CPSF3: variants seen among roughly 807,000 people sequenced by gnomAD.
CPSF3 encodes cleavage and polyadenylation specificity factor subunit 3.
Under a neutral mutation model 84.1 loss-of-function variants are expected in CPSF3, and 57 were observed. The observed-to-expected ratio is 0.68, with a 90% CI of 0.55 to 0.85. The LOEUF (loss-of-function observed/expected upper bound fraction) is 0.85. Ranked by LOEUF, CPSF3 falls within the 40% of genes least tolerant of loss-of-function variation. The pLI is 0.00. For synonymous variants in CPSF3, 275 were observed against 278.1 expected, an observed-to-expected ratio of 0.99 and a Z score of 0.11; for missense variants, 522 against 838.8, an observed-to-expected ratio of 0.62 and a Z score of 4.66.
At chr2:9,435,155 G>A (rs1166175568) in intron 6 of CPSF3, among the ~76,000 whole-genome samples, 1 of 152,148 alleles carries the variant, frequency 6.6e-6, no homozygotes, top group Non-Finnish European at 1.5e-5. Flanking sequence ...ATCTGGGCTG[G>A]GGTCTGAGAT....
chr2:9,427,682 G>A (rs1221441560), intron 1 of CPSF3, among the ~76,000 whole-genome samples: 2 of 152,168 alleles, frequency 1.3e-5, no homozygotes, highest in East Asian at 1.9e-4. Flanking sequence ...GTTCCTTGAG[G>A]TCAGGGTCCC....
chr2:9,466,308 A>T (rs1681942565), intron 15 of CPSF3, among the ~76,000 whole-genome samples: 2 of 108,154 alleles, frequency 1.8e-5, no homozygotes, highest in Non-Finnish European at 4.7e-5. Context: ...ATGCACACGC[A>T]CACTGACGCA....
chr2:9,470,326 T>C (rs1682121029), intron 16 of CPSF3, among the ~76,000 whole-genome samples: 1 of 152,028 alleles, frequency 6.6e-6, no homozygotes, highest in South Asian at 2.1e-4. Flanking sequence ...ATGCAAGGAG[T>C]TGATTCCCAC....
intron 5 of CPSF3, among the ~76,000 whole-genome samples, chr2:9,433,482 A>G (rs771256782): frequency 6.6e-6 from 1 of 152,324 alleles, no homozygotes; most frequent in African/African-American, 2.4e-5. Flanking sequence ...GCAGATGTGA[A>G]TTCTCTTGGA....
intron 9 of CPSF3, among the ~76,000 whole-genome samples, chr2:9,443,054 T>C (rs1681008656): frequency 6.6e-6 from 1 of 151,978 alleles, no homozygotes. Flanking sequence ...TCCTAGCTAG[T>C]TGGGGGACTG....
intron 11 of CPSF3, among the ~76,000 whole-genome samples, chr2:9,450,502 T>C (rs949480921): frequency 6.6e-6 from 1 of 152,042 alleles, no homozygotes; most frequent in African/African-American, 2.4e-5. Context: ...AGTATCAACA[T>C]ATGGGCCAGG....
chr2:9,430,916 T>C (rs1255670452), intron 4 of CPSF3, 36 bp downstream of exon 4: 1 of 1,570,918 alleles, frequency 6.4e-7, no homozygotes, highest in Non-Finnish European at 8.7e-7. Context: ...CGACTTTGGC[T>C]CTATATGGCA....
intron 16 of CPSF3, among the ~76,000 whole-genome samples, chr2:9,471,113 C>T (rs1307006332): frequency 3.9e-5 from 6 of 151,976 alleles, no homozygotes; most frequent in African/African-American, 1.5e-4. Context: ...ACTAGGGAGG[C>T]TGAGGCAGGA....
chr2:9,443,304 G>A (rs1681016120), intron 9 of CPSF3, among the ~76,000 whole-genome samples: 1 of 152,170 alleles, frequency 6.6e-6, no homozygotes, highest in African/African-American at 2.4e-5. Context: ...AGATAGATGA[G>A]TTTTAGTTAA....
intron 11 of CPSF3, among the ~76,000 whole-genome samples, chr2:9,448,694 T>C (rs1420489617): frequency 6.6e-6 from 1 of 152,140 alleles, no homozygotes; most frequent in Non-Finnish European, 1.5e-5. Context: ...GTAGCTGGGA[T>C]TACAGGTGCG....
chr2:9,472,211 C>T (rs1682194008), intron 17 of CPSF3, among the ~76,000 whole-genome samples: 1 of 149,790 alleles, frequency 6.7e-6, no homozygotes, highest in African/African-American at 2.5e-5. Flanking sequence ...ACTTGGGAGG[C>T]TAAGGCAGGA....
chr2:9,432,984 A>G (rs10209023), intron 5 of CPSF3, among the ~76,000 whole-genome samples: 24,995 of 152,182 alleles, frequency 0.16, 2,257 homozygotes, highest in Middle Eastern at 0.29. Context: ...GCTTTAGAAA[A>G]CTGGTTAGGG....
intron 11 of CPSF3, among the ~76,000 whole-genome samples, chr2:9,449,198 G>A (rs944528981): frequency 2.0e-5 from 3 of 151,890 alleles, no homozygotes; most frequent in African/African-American, 7.3e-5. Flanking sequence ...GGCCAACATG[G>A]TAAAACCCCG....
At chr2:9,467,927 G>C in intron 16 of CPSF3, 151 bp downstream of exon 16, 1 of 616,658 alleles carries the variant, frequency 1.6e-6, no homozygotes, top group East Asian at 2.8e-5. Context: ...GGAAAGAGAG[G>C]GGCTGGAACC....
At position 9,443,696 on chromosome 2, in the gene CPSF3, GA is replaced by G. The variant is rs397752622; in HGVS notation, c.1242+42del. 186 of 1,601,672 alleles carry G rather than the reference GA, an allele frequency of 1.2e-4. 1 individual carries two copies. Among genetic ancestry groups the G allele is most frequent in the Middle Eastern group, 8.4e-4 (5 of 5,980 alleles). ...TGAATTTCATTTATTGTATTAAAGG[GA>G]AAAAAAGTGCATACCCAGGAAACTG... On this transcript the variant is annotated intron_variant, in intron 10 of 17. Transcript: ENST00000238112.
In CPSF3 at chr2:9,472,925, T is replaced by TGTGAAGAGGGAA; in HGVS notation, c.1971_1982dup (p.Glu657_Glu660dup). 1.9e-6 allele frequency: 3 copies of TGTGAAGAGGGAA among 1,609,296 alleles called. No individual in the cohort carries two copies. The highest frequency in any genetic ancestry group is 2.6e-6 in the Non-Finnish European group (3 of 1,175,732). On this transcript the variant is annotated inframe_insertion, in exon 18 of 18. Coordinates refer to ENST00000238112, the MANE Select transcript of CPSF3 (RefSeq NM_016207.4). Reference sequence around the variant, plus strand: ...TGTGCCTCACTTTCAGACTGTAGAATGTGAAGAGGGAAGTGAAGACGATGA... The same window carrying TGTGAAGAGGGAA: ...TGTGCCTCACTTTCAGACTGTAGAATGTGAAGAGGGAAGTGAAGAGGGAAGTGAAGACGATGA...
intron 7 of CPSF3, among the ~76,000 whole-genome samples, chr2:9,439,472 CAAAAA>C (rs34127364): frequency 2.9e-5 from 3 of 104,202 alleles, no homozygotes; most frequent in Non-Finnish European, 5.4e-5. Context: ...GACTCCATCT[CAAAAA>C]AAAAAAAAAA....
chr2:9,466,593 C>G (rs914784102), intron 15 of CPSF3, among the ~76,000 whole-genome samples: 1 of 147,952 alleles, frequency 6.8e-6, no homozygotes, highest in Non-Finnish European at 1.5e-5. Flanking sequence ...AAGACCCTGT[C>G]TCTAAATAAA....
intron 1 of CPSF3, among the ~76,000 whole-genome samples, chr2:9,426,879 A>AAAAG (rs1680411539): frequency 6.6e-6 from 1 of 151,864 alleles, no homozygotes; most frequent in African/African-American, 2.4e-5. Flanking sequence ...TTGTCTCAAA[A>AAAAG]AAAAAAAAAA....
Sources: gnomAD v4.1 joint callset for allele counts (sites outside exome capture counted in the v4.1 genomes callset) on GRCh38, gnomAD v4.1.1 for gene constraint, MANE v1.5 for transcripts, NCBI Gene and HGNC (gene_info 2026-07-23, HGNC 2026-07-21) for gene names.